PRICKLE2: variants seen among roughly 807,000 people sequenced by gnomAD.
PRICKLE2 encodes prickle planar cell polarity protein 2, also known as prickle-like protein 2.
A neutral mutation model predicts 81.4 loss-of-function variants in PRICKLE2; 21 were observed. The ratio of observed to expected loss-of-function variants is 0.26; its 90% CI spans 0.18 to 0.37. The LOEUF (loss-of-function observed/expected upper bound fraction) is 0.37, where lower values mean the gene tolerates loss of function less well. PRICKLE2 is among the 10% of genes least tolerant of loss of function. PRICKLE2 has a pLI of 1.00. For missense variants in PRICKLE2, 940 were observed against 1,109.0 expected (o/e 0.85, Z 2.16); for synonymous variants, 456 against 421.5 (o/e 1.08, Z -1.00).
intron 2 of PRICKLE2, among the ~76,000 whole-genome samples, chr3:64,258,560 C>T (rs779569415): frequency 6.6e-6 from 1 of 151,882 alleles, no homozygotes; most frequent in Non-Finnish European, 1.5e-5. Context: ...GTGGCTCACG[C>T]CTGTAATCCC....
chr3:64,099,020 C>T lies in PRICKLE2; in HGVS notation c.*31G>A. 1.9e-6 allele frequency: 3 copies of T among 1,613,298 alleles called. No individual in the cohort carries two copies. The highest frequency in any genetic ancestry group is 1.7e-4 in the Middle Eastern group (1 of 6,034). On this transcript the variant is annotated 3_prime_UTR_variant, in exon 8 of 8. Transcript: ENST00000638394. The surrounding 1 kb of genome is among the most constrained non-coding windows in gnomAD (Gnocchi z 4.3). ...TTTCTGACTTTACATTCTTAGCTCC[C>T]ATCTTCTCCCATTCCCTGATCCCAA... is the stretch of plus-strand genomic sequence containing the variant.
intron 1 of PRICKLE2, among the ~76,000 whole-genome samples, chr3:64,204,258 G>A (rs1053112167): frequency 6.6e-6 from 1 of 152,068 alleles, no homozygotes; most frequent in Non-Finnish European, 1.5e-5. Flanking sequence ...ATGGGGAGGG[G>A]ACATATACCG....
At chr3:64,263,782 C>T (rs2079651731) in intron 2 of PRICKLE2, among the ~76,000 whole-genome samples, 1 of 152,224 alleles carries the variant, frequency 6.6e-6, no homozygotes, top group Non-Finnish European at 1.5e-5. Flanking sequence ...AAGCACTTCA[C>T]AGTCAATCAG....
chr3:64,171,770 C>T (rs1374423720), intron 2 of PRICKLE2, among the ~76,000 whole-genome samples: 3 of 152,156 alleles, frequency 2.0e-5, no homozygotes, highest in Non-Finnish European at 1.5e-5. Flanking sequence ...CTCTTTCATT[C>T]CATCAAAGCA....
At chr3:64,174,608 C>A in intron 2 of PRICKLE2, 1 of 173,392 alleles carries the variant, frequency 5.8e-6, no homozygotes, top group South Asian at 1.6e-4. Context: ...AAGGTACAGC[C>A]TTTGTCAATG....
At chr3:64,240,644 C>T (rs1240619618) in intron 2 of PRICKLE2, among the ~76,000 whole-genome samples, 1 of 152,146 alleles carries the variant, frequency 6.6e-6, no homozygotes, top group Non-Finnish European at 1.5e-5. Flanking sequence ...TCAGATCTCC[C>T]CCACAGCATG....
At chr3:64,123,394 A>G (rs1325657336) in intron 7 of PRICKLE2, among the ~76,000 whole-genome samples, 2 of 152,246 alleles carry the variant, frequency 1.3e-5, no homozygotes, top group African/African-American at 4.8e-5. Flanking sequence ...TGACAATATG[A>G]TACTCAAATG....
chr3:64,109,605 G>A lies in PRICKLE2; in HGVS notation c.1661-9680C>T, dbSNP rs142641484. ...CCTGGGGCAGGGGTGGGGGAGGAGG[G>A]GAGTGTGCATAACTTCTTACTTCAC... On this transcript the variant is annotated intron_variant, in intron 7 of 7. Coordinates refer to ENST00000638394, the MANE Select transcript of PRICKLE2 (RefSeq NM_198859.4). Among the ~76,000 whole-genome samples the A allele has an allele frequency of 4.3e-3, 653 of 152,200 alleles. 3 individuals are homozygous for A. Among genetic ancestry groups the A allele is most frequent in the African/African-American group, 0.014 (594 of 41,534 alleles).
At chr3:64,183,364 A>G (rs887298673) in intron 2 of PRICKLE2, among the ~76,000 whole-genome samples, 4 of 152,172 alleles carry the variant, frequency 2.6e-5, no homozygotes, top group Non-Finnish European at 4.4e-5. Context: ...AAGTTATTTT[A>G]TGTTCAAATA....
chr3:64,179,569 G>A (rs2078090352), intron 2 of PRICKLE2, among the ~76,000 whole-genome samples: 1 of 152,144 alleles, frequency 6.6e-6, no homozygotes, highest in Admixed American at 6.5e-5. Flanking sequence ...CATAGAATTA[G>A]CTGTTCTACC....
At chr3:64,169,504 T>C (rs142887344) in intron 2 of PRICKLE2, among the ~76,000 whole-genome samples, 11 of 152,328 alleles carry the variant, frequency 7.2e-5, no homozygotes, top group Non-Finnish European at 1.6e-4. Context: ...TAGCATACTT[T>C]AGAATCATCT....
chr3:64,107,127 G>C (rs1384302303), intron 7 of PRICKLE2, among the ~76,000 whole-genome samples: 1 of 152,108 alleles, frequency 6.6e-6, no homozygotes, highest in Admixed American at 6.5e-5. Context: ...AGGGGTGCAG[G>C]TTCCCTTAAG....
intron 2 of PRICKLE2, among the ~76,000 whole-genome samples, chr3:64,192,268 T>C (rs1240050876): frequency 2.0e-5 from 3 of 152,226 alleles, no homozygotes; most frequent in African/African-American, 7.2e-5. Flanking sequence ...TGGCCATGTG[T>C]CAGGCACTAT....
intron 2 of PRICKLE2, among the ~76,000 whole-genome samples, chr3:64,195,716 T>C (rs1032786547): frequency 6.6e-6 from 1 of 152,208 alleles, no homozygotes; most frequent in Non-Finnish European, 1.5e-5. Context: ...CTATACGTAA[T>C]AGACTTTAAA....
intron 2 of PRICKLE2, among the ~76,000 whole-genome samples, chr3:64,260,676 GT>G (rs958854697): frequency 3.9e-5 from 6 of 152,244 alleles, no homozygotes; most frequent in African/African-American, 1.4e-4. Context: ...ATCTGTTGAT[GT>G]TTTTTTCCAC....
intron 7 of PRICKLE2, among the ~76,000 whole-genome samples, chr3:64,105,453 G>A (rs578200034): frequency 6.6e-5 from 10 of 152,274 alleles, no homozygotes; most frequent in Admixed American, 1.3e-4. Flanking sequence ...GGATTCTCAT[G>A]TTACCCACAG....
rs2076546397 is a variant in PRICKLE2 at position 64,094,698 on chromosome 3, T to A, written c.*4353A>T. On this transcript the variant is annotated 3_prime_UTR_variant, in exon 8 of 8. Coordinates refer to ENST00000638394, the MANE Select transcript of PRICKLE2 (RefSeq NM_198859.4). ...TACTTTGAGGACTACTTCCAAATGG[T>A]CATAAGAATAAGCTCTGGTATCTGC... is the stretch of plus-strand genomic sequence containing the variant. The A allele has an allele frequency of 6.6e-6, 1 of 152,554 alleles. No homozygotes were observed. Among genetic ancestry groups the A allele is most frequent in the Admixed American group, 6.5e-5 (1 of 15,282 alleles). The allele number at this position is 152,554 out of a possible 1,614,324, so 9.5% of individuals were successfully genotyped here.
intron 7 of PRICKLE2, among the ~76,000 whole-genome samples, chr3:64,134,647 C>T (rs2077250474): frequency 1.4e-5 from 2 of 144,526 alleles, no homozygotes; most frequent in Admixed American, 1.4e-4. Context: ...GTGGGAAAAA[C>T]CACCACCCCT....
intron 2 of PRICKLE2, among the ~76,000 whole-genome samples, chr3:64,247,580 A>G (rs2079376728): frequency 6.6e-6 from 1 of 152,214 alleles, no homozygotes; most frequent in South Asian, 2.1e-4. Context: ...TTTTTCAGCA[A>G]TTAGGAGCAA....
Sources: allele counts gnomAD v4.1 joint callset (sites outside exome capture counted in the v4.1 genomes callset), GRCh38; gene constraint gnomAD v4.1.1; non-coding constraint Gnocchi (gnomAD v3.1); transcripts MANE v1.5; gene names NCBI Gene and HGNC (gene_info 2026-07-23, HGNC 2026-07-21).